DPP10: variants seen among roughly 807,000 people sequenced by gnomAD.
The protein encoded by DPP10 is inactive dipeptidyl peptidase 10.
Under a neutral mutation model 120.9 loss-of-function variants are expected in DPP10, and 33 were observed. The ratio of observed to expected loss-of-function variants is 0.27; its 90% CI spans 0.21 to 0.37. The LOEUF (loss-of-function observed/expected upper bound fraction) is 0.37, where lower values mean the gene tolerates loss of function less well. Among genes scored for constraint, DPP10 ranks in the 10% least tolerant of loss-of-function variants. The pLI, the probability that DPP10 is intolerant of heterozygous loss-of-function variation, is 1.00. For synonymous variants in DPP10, 337 were observed against 326.1 expected (o/e 1.03, Z -0.36); for missense variants, 816 against 942.8 (o/e 0.87, Z 1.76).
intron 1 of DPP10, among the ~76,000 whole-genome samples, chr2:115,032,882 C>CAAA (rs1380337520): frequency 1.2e-5 from 1 of 83,216 alleles, no homozygotes; most frequent in Non-Finnish European, 2.6e-5. Context: ...AAGACTCCGT[C>CAAA]AAAAAAAAAA....
intron 13 of DPP10, among the ~76,000 whole-genome samples, chr2:115,770,643 T>G (rs560931511): frequency 1.3e-5 from 2 of 152,162 alleles, no homozygotes; most frequent in Non-Finnish European, 2.9e-5. Context: ...TATGTTATTT[T>G]AGGAAATGGT....
intron 3 of DPP10, among the ~76,000 whole-genome samples, chr2:115,469,901 A>AAAAAAAAAAAAG (rs1558709906): frequency 5.4e-5 from 4 of 74,646 alleles, no homozygotes; most frequent in Non-Finnish European, 3.1e-5. Context: ...AAAAAAAAAG[A>AAAAAAAAAAAAG]AAAAAAAAAA....
intron 3 of DPP10, among the ~76,000 whole-genome samples, chr2:115,452,508 C>T (rs1432722382): frequency 2.0e-5 from 3 of 151,826 alleles, no homozygotes; most frequent in African/African-American, 7.2e-5. Context: ...ATAATGATGA[C>T]ACGTATGGTA....
chr2:114,477,253 C>T (rs1283910159), intron 1 of DPP10, among the ~76,000 whole-genome samples: 1 of 151,944 alleles, frequency 6.6e-6, no homozygotes, highest in Non-Finnish European at 1.5e-5. Context: ...CCACTGCACC[C>T]AGCCAAAAAT....
Position 115,049,958 on chromosome 2 carries a change from A to C in DPP10, c.61-259281A>C, listed in dbSNP as rs573508530. On this transcript the variant is annotated intron_variant, in intron 1 of 25. Transcript: ENST00000410059. ...AAAATAAATGAAGATTGGCTCACCTATCAGGTTATAATAATTTTTTTAACC... is the reference window on the plus strand; with the variant it reads ...AAAATAAATGAAGATTGGCTCACCTCTCAGGTTATAATAATTTTTTTAACC... 3.6e-4 allele frequency among the ~76,000 whole-genome samples: 55 copies of C among 152,332 alleles called. No homozygotes were observed. In the South Asian group the frequency reaches 0.011, roughly 31 times the overall value.
rs183420759 is a variant in DPP10 at position 115,416,827 on chromosome 2, G to A, written c.271+72915G>A. Among the ~76,000 whole-genome samples the A allele has an allele frequency of 3.1e-3, 467 of 152,166 alleles. 1 individual carries two copies. Among genetic ancestry groups the A allele is most frequent in the African/African-American group, 0.011 (458 of 41,536 alleles). ...GGAGTCAGACCAGTTATGAGGCTGCGTTCCAGTTTCAAAAATAGCAGTTTA... is the reference window on the plus strand; with the variant it reads ...GGAGTCAGACCAGTTATGAGGCTGCATTCCAGTTTCAAAAATAGCAGTTTA... On this transcript the variant is annotated intron_variant, in intron 3 of 25. Coordinates refer to ENST00000410059, the MANE Select transcript of DPP10 (RefSeq NM_020868.6).
intron 1 of DPP10, among the ~76,000 whole-genome samples, chr2:114,709,834 A>G (rs1700910967): frequency 6.6e-6 from 1 of 152,228 alleles, no homozygotes. Context: ...TATCTTTAAT[A>G]TAAAATTCTT....
intron 1 of DPP10, among the ~76,000 whole-genome samples, chr2:114,808,751 C>A (rs930312648): frequency 6.6e-6 from 1 of 152,010 alleles, no homozygotes; most frequent in Non-Finnish European, 1.5e-5. Context: ...CACCTGGGAC[C>A]CTTGTACCTG....
intron 3 of DPP10, among the ~76,000 whole-genome samples, chr2:115,477,157 T>C (rs868099517): frequency 6.6e-6 from 1 of 152,290 alleles, no homozygotes; most frequent in South Asian, 2.1e-4. Flanking sequence ...TACTGGAATT[T>C]CTGATCAAGG....
At chr2:115,741,800 C>T (rs1394447465) in intron 9 of DPP10, among the ~76,000 whole-genome samples, 2 of 152,114 alleles carry the variant, frequency 1.3e-5, no homozygotes, top group African/African-American at 4.8e-5. Context: ...AAATTGCCTT[C>T]TTAGTTCTAG....
chr2:114,531,393 T>A (rs893689374), intron 1 of DPP10, among the ~76,000 whole-genome samples: 3 of 151,804 alleles, frequency 2.0e-5, no homozygotes, highest in African/African-American at 7.3e-5. Context: ...GATAGAGAAG[T>A]ATTTATTATG....
At chr2:115,690,996 A>T (rs2091283602) in intron 7 of DPP10, among the ~76,000 whole-genome samples, 2 of 152,220 alleles carry the variant, frequency 1.3e-5, no homozygotes, top group African/African-American at 2.4e-5. Flanking sequence ...TTTTATTAAC[A>T]TTTAGTATTT....
At chr2:114,620,864 C>T (rs932940606) in intron 1 of DPP10, among the ~76,000 whole-genome samples, 1 of 152,066 alleles carries the variant, frequency 6.6e-6, no homozygotes, top group African/African-American at 2.4e-5. Flanking sequence ...CTGTGTATAG[C>T]TTAGAAGCTT....
chr2:115,394,512 G>T (rs1236168143), intron 3 of DPP10, among the ~76,000 whole-genome samples: 1 of 150,374 alleles, frequency 6.7e-6, no homozygotes, highest in South Asian at 2.1e-4. Flanking sequence ...AAGCATTACT[G>T]AATGCTACCT....
chr2:115,590,242 T>C (rs950331316), intron 5 of DPP10, among the ~76,000 whole-genome samples: 4 of 151,584 alleles, frequency 2.6e-5, no homozygotes, highest in African/African-American at 9.7e-5. Context: ...TATGTATACA[T>C]GTGCCATGTT....
At position 115,649,115 on chromosome 2, in the gene DPP10, AATAG is replaced by A. The variant is rs372921562; in HGVS notation, c.442-40567_442-40564del. 2.2e-4 allele frequency among the ~76,000 whole-genome samples: 34 copies of A among 152,234 alleles called. No homozygotes were observed. The East Asian group carries it at 6.0e-3, about 27-fold the overall frequency. ...CATGCTTCTAGGGAAAAGGAGAGGAAATAGATAGTGCAATAGCAAGAATGAGAGT... is the reference window on the plus strand; with the variant it reads ...CATGCTTCTAGGGAAAAGGAGAGGAAATAGTGCAATAGCAAGAATGAGAGT... On this transcript the variant is annotated intron_variant, in intron 5 of 25. Coordinates refer to ENST00000410059, the MANE Select transcript of DPP10 (RefSeq NM_020868.6).
chr2:114,961,093 C>T (rs1464801442), intron 1 of DPP10, among the ~76,000 whole-genome samples: 1 of 109,290 alleles, frequency 9.1e-6, no homozygotes, highest in Non-Finnish European at 1.7e-5. Flanking sequence ...CTTTTGTTGC[C>T]CAGGCTGGAG....
chr2:115,840,312 T>TTG (rs1689968426), intron 24 of DPP10, among the ~76,000 whole-genome samples: 1 of 35,868 alleles, frequency 2.8e-5, no homozygotes, highest in South Asian at 1.1e-3. Flanking sequence ...AGATATAAGG[T>TTG]TTTTTGGTTT....
intron 5 of DPP10, among the ~76,000 whole-genome samples, chr2:115,570,426 A>G: frequency 6.6e-6 from 1 of 152,194 alleles, no homozygotes. Flanking sequence ...CCTTCTGTAT[A>G]CTTCATTAAG....
Sources: gnomAD v4.1 joint callset for allele counts (sites outside exome capture counted in the v4.1 genomes callset) on GRCh38, gnomAD v4.1.1 for gene constraint, MANE v1.5 for transcripts, NCBI Gene and HGNC (gene_info 2026-07-23, HGNC 2026-07-21) for gene names.